The following NCKAP1L variants were observed in gnomAD, a reference collection of about 807,000 sequenced individuals.
NCKAP1L encodes NCK associated protein 1 like.
Under a neutral mutation model 139.2 loss-of-function variants are expected in NCKAP1L, and 53 were observed. The ratio of observed to expected loss-of-function variants is 0.38; its 90% CI spans 0.31 to 0.48. The LOEUF (loss-of-function observed/expected upper bound fraction) is 0.48. NCKAP1L is among the 20% of genes least tolerant of loss of function. NCKAP1L has a pLI of 0.98. For synonymous variants in NCKAP1L, 468 were observed against 499.7 expected (o/e 0.94, Z 0.85); for missense variants, 1,151 against 1,381.9 (o/e 0.83, Z 2.65).
chr12:54,532,594 C>T (rs761182522), intron 26 of NCKAP1L, among the ~76,000 whole-genome samples: 2 of 152,124 alleles, frequency 1.3e-5, no homozygotes, highest in African/African-American at 2.4e-5. Context: ...GCTCTTTAGT[C>T]TTGAGGTTAG....
intron 7 of NCKAP1L, among the ~76,000 whole-genome samples, chr12:54,511,499 T>C (rs1956889785): frequency 6.6e-6 from 1 of 152,230 alleles, no homozygotes. Flanking sequence ...CTTGACCTCT[T>C]GGGTTCAAAA....
intron 29 of NCKAP1L, among the ~76,000 whole-genome samples, chr12:54,538,093 GAT>G (rs1957127035): frequency 6.6e-6 from 1 of 152,098 alleles, no homozygotes; most frequent in African/African-American, 2.4e-5. Context: ...GTATGGTCCC[GAT>G]ATAAGAACCA....
Position 54,535,364 on chromosome 12 carries a change from G to A in NCKAP1L, c.2956+167G>A, listed in dbSNP as rs193260551. On this transcript the variant is annotated intron_variant, in intron 27 of 30. Transcript: ENST00000293373. ...ACCTTCAGAAAATACTTACATAGGC[G>A]ATTTAGATTTATCCTCAGGTTTCAA... Among the ~76,000 whole-genome samples, 13 of 152,324 alleles carry A rather than the reference G, an allele frequency of 8.5e-5. No individual in the cohort carries two copies. The East Asian group carries it at 1.5e-3, about 18-fold the overall frequency.
At position 54,528,236 on chromosome 12, in the gene NCKAP1L, C is replaced by A; in HGVS notation, c.2376-11C>A. 6.2e-7 allele frequency: 1 copy of A among 1,612,798 alleles called. No individual in the cohort carries two copies. Among genetic ancestry groups the A allele is most frequent in the South Asian group, 1.1e-5 (1 of 90,978 alleles). ...GGATCCTAATCTATGTTTTCTTGGC[C>A]AACCCTGTAGGTACCTGGAAAGTCT... On this transcript the variant is annotated splice_polypyrimidine_tract_variant and intron_variant, in intron 21 of 30. Coordinates refer to ENST00000293373, the MANE Select transcript of NCKAP1L (RefSeq NM_005337.5).
chr12:54,541,932 A>G (rs950035394), intron 30 of NCKAP1L, among the ~76,000 whole-genome samples: 2 of 149,142 alleles, frequency 1.3e-5, no homozygotes, highest in African/African-American at 5.0e-5. Context: ...CTGTCCACCC[A>G]CCTCCCCCTC....
chr12:54,524,707 T>A (rs948647582), intron 20 of NCKAP1L, among the ~76,000 whole-genome samples: 2 of 152,162 alleles, frequency 1.3e-5, no homozygotes, highest in African/African-American at 4.8e-5. Context: ...TCTGCCTCCA[T>A]GCTTACTTCT....
At chr12:54,514,900 T>C (rs978856966) in intron 9 of NCKAP1L, among the ~76,000 whole-genome samples, 1 of 152,262 alleles carries the variant, frequency 6.6e-6, no homozygotes, top group Non-Finnish European at 1.5e-5. Context: ...TGATGATTAC[T>C]GCTTCTAAGG....
In NCKAP1L at chr12:54,511,989, C is replaced by T. The variant is rs1956892923; in HGVS notation, c.825C>T (p.Ser275=). 1 of 1,614,210 alleles carries T rather than the reference C, an allele frequency of 6.2e-7. No homozygotes were observed. Among genetic ancestry groups the T allele is most frequent in the Non-Finnish European group, 8.5e-7 (1 of 1,180,040 alleles). The change falls in exon 9 of 31, where the codon AGC becomes AGT. Residue 275 remains serine (S), a synonymous_variant. Coordinates refer to ENST00000293373, the MANE Select transcript of NCKAP1L (RefSeq NM_005337.5). ...LLCHGCLNSN[S]QCQKLWKLCL... is the part of the protein sequence containing the mutation. ...GTCATGGGTGCCTCAACTCCAATAG[C>T]CAGTGCCAGAAGCTGTGGAAGCTGT...
At position 54,520,699 on chromosome 12, in the gene NCKAP1L, A is replaced by G. The variant is rs1219552351; in HGVS notation, c.1631A>G (p.His544Arg). 8 of 1,614,026 alleles carry G rather than the reference A, an allele frequency of 5.0e-6. No homozygotes were observed. The African/African-American group carries it at 1.1e-4, about 22-fold the overall frequency. ...GTCTTCCCGTTTCTCTGCAGCTTTC[A>G]TCTTCGTATCTTTGAGAAGATGTTT... Reference protein sequence around the residue: ...ETSDLSTFCFHLRIFEKMFAM... With the variant: ...ETSDLSTFCFRLRIFEKMFAM... The change falls in exon 17 of 31, where the codon CAT becomes CGT. Residue 544 changes from histidine (H) to arginine (R), a missense_variant. Coordinates refer to ENST00000293373, the MANE Select transcript of NCKAP1L (RefSeq NM_005337.5).
rs138691081 is a variant in NCKAP1L, at chr12:54,521,232, C to G, written c.1872C>G (p.Ser624Arg). ...TCTGTGCTGAGCAGCGAAACCTGAGCGAGCAGGTAGACTCAGCCCTCTCTG... is the reference window on the plus strand; with the variant it reads ...TCTGTGCTGAGCAGCGAAACCTGAGGGAGCAGGTAGACTCAGCCCTCTCTG... ...LEICAEQRNL[S>R]EQLLPKHCAT... The change falls in exon 18 of 31, where the codon AGC becomes AGG. Residue 624 changes from serine to arginine, a missense_variant. Ser to Arg is a moderately radical substitution (Grantham distance 110). Transcript: ENST00000293373. The G allele has an allele frequency of 6.2e-7, 1 of 1,613,914 alleles. No homozygotes were observed. Among genetic ancestry groups the G allele is most frequent in the Admixed American group, 1.7e-5 (1 of 60,018 alleles).
chr12:54,520,777 T>C lies in NCKAP1L; in HGVS notation c.1709T>C (p.Leu570Pro). Residue 570 changes from leucine to proline, a missense_variant, in exon 17 of 31, where the codon CTG becomes CCG. Physicochemically the swap from Leu to Pro is moderately conservative, Grantham distance 98 (BLOSUM62 -3). Transcript: ENST00000293373. ...TTGCGTTATGCCATTGCTTTCCCCC[T>C]GATTTGTGCTCACTTTGTCCACTGC... ...AMLRYAIAFPLICAHFVHCTH... is the reference protein window; with the variant it reads ...AMLRYAIAFPPICAHFVHCTH... 2 of 1,614,186 alleles carry C rather than the reference T, an allele frequency of 1.2e-6. No individual in the cohort carries two copies. Among genetic ancestry groups the C allele is most frequent in the Non-Finnish European group, 1.7e-6 (2 of 1,180,030 alleles).
rs371703590 is a variant in NCKAP1L, at chr12:54,538,984, T to G, written c.3273+11T>G. On this transcript the variant is annotated intron_variant, in intron 30 of 30. Coordinates refer to ENST00000293373, the MANE Select transcript of NCKAP1L (RefSeq NM_005337.5). ...CTGCTCATGCGCTTGGTAAGTACCT[T>G]ATTTAAATTGGTGTGAGAATAGGGA... 7 of 1,611,312 alleles carry G rather than the reference T, an allele frequency of 4.3e-6. No individual in the cohort carries two copies. In the African/African-American group the frequency reaches 9.3e-5, roughly 22 times the overall value.
At chr12:54,498,399 T>TTGTGTGTGTGTGTGTGTGTGTGTGTGTG (rs766272206) in intron 1 of NCKAP1L, among the ~76,000 whole-genome samples, 1 of 142,296 alleles carries the variant, frequency 7.0e-6, no homozygotes, top group Non-Finnish European at 1.5e-5. Context: ...GCTGTGGTGG[T>TTGTGTGTGTGTGTGTGTGTGTGTGTGTG]TGTGTGTGTG....
At chr12:54,505,056 T>C (rs1956829119) in intron 3 of NCKAP1L, among the ~76,000 whole-genome samples, 1 of 152,200 alleles carries the variant, frequency 6.6e-6, no homozygotes, top group African/African-American at 2.4e-5. Flanking sequence ...ACAGGGAAAA[T>C]CAAAAGCTCT....
Position 54,542,978 on chromosome 12 carries a change from T to G in NCKAP1L, c.*293T>G, listed in dbSNP as rs1957171883. 3.6e-6 allele frequency: 1 copy of G among 281,290 alleles called. No individual in the cohort carries two copies. Among genetic ancestry groups the G allele is most frequent in the South Asian group, 7.4e-5 (1 of 13,532 alleles). 17.4% of individuals were successfully genotyped at this position (281,290 alleles called of 1,614,324 possible). ...GAGTAACGTACAAGTATATTTTCTA[T>G]CTTCTGGTGACTTGAGCTTGAGCTC... On this transcript the variant is annotated 3_prime_UTR_variant, in exon 31 of 31. Transcript: ENST00000293373.
chr12:54,543,627 C>A lies in NCKAP1L; in HGVS notation c.*942C>A, dbSNP rs928776546. The A allele has an allele frequency of 1.3e-5, 2 of 152,178 alleles. No individual in the cohort carries two copies. The highest frequency in any genetic ancestry group is 2.9e-5 in the Non-Finnish European group (2 of 68,044). 9.4% of individuals were successfully genotyped at this position (152,178 alleles called of 1,614,324 possible). ...TCTTCTGGATCTTAAATTTCACAGA[C>A]CTCATTAGGTTGTATGGCCCTGAGA... On this transcript the variant is annotated 3_prime_UTR_variant, in exon 31 of 31. Transcript: ENST00000293373.
rs1428875239 is a variant in NCKAP1L at position 54,512,117 on chromosome 12, G to A, written c.941+12G>A. The A allele has an allele frequency of 4.3e-6, 7 of 1,613,030 alleles. No individual in the cohort carries two copies. The highest frequency in any genetic ancestry group is 1.3e-5 in the African/African-American group (1 of 74,902). ...AGCAGTTTGAAAGGGTGAGAGACAC[G>A]AGAGCCAAACTGATCTTCCTTGAAT... On this transcript the variant is annotated intron_variant, in intron 9 of 30. Transcript: ENST00000293373.
intron 9 of NCKAP1L, chr12:54,512,449 T>C (rs1010399307): frequency 1.7e-4 from 36 of 214,222 alleles, no homozygotes; most frequent in African/African-American, 7.5e-4. Flanking sequence ...ATAATAGTAG[T>C]ACCTCCCTAT....
In NCKAP1L at chr12:54,538,759, TG is replaced by T. The variant is rs1192273831; in HGVS notation, c.3184-124del. The T allele has an allele frequency of 6.9e-6, 5 of 724,840 alleles. No individual in the cohort carries two copies. The African/African-American group carries it at 8.9e-5, about 13-fold the overall frequency. 44.9% of individuals were successfully genotyped at this position (724,840 alleles called of 1,614,324 possible). A position where few individuals can be genotyped will look rare whatever the true frequency, so the allele number is the denominator to read the frequency against. On this transcript the variant is annotated intron_variant, in intron 29 of 30. Transcript: ENST00000293373. ...TAGGAGATTTGCCACTTTCCCACCC[TG>T]AGTCTTCAGGAACATTCTAGCACTT...
Sources: allele counts gnomAD v4.1 joint callset (sites outside exome capture counted in the v4.1 genomes callset), GRCh38; gene constraint gnomAD v4.1.1; transcripts MANE v1.5; gene names NCBI Gene and HGNC (gene_info 2026-07-23, HGNC 2026-07-21).